PCDHA4: variants seen among roughly 807,000 people sequenced by gnomAD.
PCDHA4 encodes protocadherin alpha-4.
Under a neutral mutation model 61.4 loss-of-function variants are expected in PCDHA4, and 49 were observed. The ratio of observed to expected loss-of-function variants is 0.80; its 90% CI spans 0.63 to 1.01. The LOEUF is 1.01. PCDHA4 is among the 50% of genes least tolerant of loss of function. The pLI, the probability that PCDHA4 is intolerant of heterozygous loss-of-function variation, is 0.00. For missense variants in PCDHA4, 1,254 were observed against 1,235.8 expected, an observed-to-expected ratio of 1.01 and a Z score of -0.22; for synonymous variants, 590 against 550.3, an observed-to-expected ratio of 1.07 and a Z score of -1.01.
rs781789539 is a variant in PCDHA4 at position 140,856,760 on chromosome 5, G to C, written c.2385+47188G>C. 3.8e-6 allele frequency: 6 copies of C among 1,596,522 alleles called. 2 individuals are homozygous for C. Among genetic ancestry groups the C allele is most frequent in the Non-Finnish European group, 5.1e-6 (6 of 1,166,548 alleles). On this transcript the variant is annotated intron_variant, in intron 1 of 3. Transcript: ENST00000530339. ...CCTGGTGTTAGATGCCAATGATAAC[G>C]CCCCTATCTTTGACAGACCGGTTTA...
At chr5:140,824,411 A>C (rs1768110610) in intron 1 of PCDHA4, 1 of 522,138 alleles carries the variant, frequency 1.9e-6, no homozygotes, top group East Asian at 3.2e-5. Context: ...TGTAAGACAT[A>C]GTTTGGAGTC....
intron 1 of PCDHA4, among the ~76,000 whole-genome samples, chr5:140,921,323 G>C (rs192159885): frequency 7.2e-4 from 109 of 151,970 alleles, no homozygotes; most frequent in African/African-American, 2.6e-3. Context: ...GAGCTAATCT[G>C]TCTGGTCCAA....
intron 1 of PCDHA4, among the ~76,000 whole-genome samples, chr5:140,963,510 G>A (rs536524403): frequency 1.8e-4 from 28 of 152,328 alleles, no homozygotes; most frequent in Non-Finnish European, 2.8e-4. Flanking sequence ...TCTTGAAGGG[G>A]TTCTCATAAC....
At chr5:140,999,280 T>C (rs782502393) in intron 3 of PCDHA4, among the ~76,000 whole-genome samples, 2 of 152,228 alleles carry the variant, frequency 1.3e-5, no homozygotes, top group Non-Finnish European at 2.9e-5. Context: ...ATAGTAGTAA[T>C]ACCCATTCTT....
At position 140,870,595 on chromosome 5, in the gene PCDHA4, T is replaced by G. The variant is rs573002634; in HGVS notation, c.2385+61023T>G. ...GTCCTACTCGCTGGTGGAGCGGCGG[T>G]TGGGCGACCGCGCGCTGTCGAGCTA... On this transcript the variant is annotated intron_variant, in intron 1 of 3. Transcript: ENST00000530339. The G allele has an allele frequency of 8.9e-5, 144 of 1,613,242 alleles. No homozygotes were observed. The South Asian group carries it at 9.4e-4, about 11-fold the overall frequency.
intron 1 of PCDHA4, 160 bp downstream of exon 1, chr5:140,809,732 G>A (rs1434113979): frequency 1.3e-6 from 1 of 752,210 alleles, no homozygotes; most frequent in Non-Finnish European, 2.1e-6. Flanking sequence ...GGACATCAGA[G>A]CAATATATAT....
chr5:140,843,027 G>A (rs2150350429), intron 1 of PCDHA4: 1 of 1,595,166 alleles, frequency 6.3e-7, no homozygotes, highest in South Asian at 1.1e-5. Flanking sequence ...CTGGAGCCTC[G>A]GGTGGGTGGC....
chr5:140,842,413 A>G (rs1206715629), intron 1 of PCDHA4: 5 of 1,613,082 alleles, frequency 3.1e-6, no homozygotes, highest in East Asian at 2.2e-5. Flanking sequence ...AAGACGCTCA[A>G]TTTGGTACTG....
chr5:140,886,043 T>C (rs977275136), intron 1 of PCDHA4, among the ~76,000 whole-genome samples: 3 of 152,168 alleles, frequency 2.0e-5, no homozygotes, highest in Admixed American at 6.5e-5. Context: ...TTTTCCCCAA[T>C]AGTAACATCT....
At chr5:140,948,106 T>A (rs1383733772) in intron 1 of PCDHA4, among the ~76,000 whole-genome samples, 1 of 151,652 alleles carries the variant, frequency 6.6e-6, no homozygotes, top group Non-Finnish European at 1.5e-5. Context: ...TGATTTTTCT[T>A]CGTTTTACTA....
rs2098331172 is a variant in PCDHA4, at chr5:141,007,465, G to A, written c.2534-2162G>A. Among the ~76,000 whole-genome samples, 5 of 151,906 alleles carry A rather than the reference G, an allele frequency of 3.3e-5. No individual in the cohort carries two copies. The South Asian group carries it at 1.0e-3, about 32-fold the overall frequency. ...TGCCTGTAGTCCCAGCTACTCAGGA[G>A]GCTGAGGCACGAGAATTACTTGGAC... On this transcript the variant is annotated intron_variant, in intron 3 of 3. Transcript: ENST00000530339.
chr5:140,967,566 G>A, intron 1 of PCDHA4: 2 of 1,614,060 alleles, frequency 1.2e-6, no homozygotes, highest in South Asian at 2.2e-5. Context: ...GTCCAGCTAC[G>A]GGAGGACTCA....
chr5:140,927,601 G>C lies in PCDHA4; in HGVS notation c.2386-51348G>C, dbSNP rs1490799029. 27 of 1,614,082 alleles carry C rather than the reference G, an allele frequency of 1.7e-5. No individual in the cohort carries two copies. Among genetic ancestry groups the C allele is most frequent in the Non-Finnish European group, 2.3e-5 (27 of 1,180,040 alleles). Reference sequence around the variant, plus strand: ...CAACGCGCCTGTATTTGAGCGCTCCGTATACCGCACCAAGGTTCCAGAGAC... The same window carrying C: ...CAACGCGCCTGTATTTGAGCGCTCCCTATACCGCACCAAGGTTCCAGAGAC... On this transcript the variant is annotated intron_variant, in intron 1 of 3. Transcript: ENST00000530339.
chr5:140,851,003 GA>G (rs2041919886), intron 1 of PCDHA4: 1 of 1,437,650 alleles, frequency 7.0e-7, no homozygotes. Flanking sequence ...AAATCCAGCA[GA>G]TTTTTTTTCT....
chr5:140,889,388 A>C (rs1554183883), intron 1 of PCDHA4, among the ~76,000 whole-genome samples: 1 of 152,070 alleles, frequency 6.6e-6, no homozygotes, highest in African/African-American at 2.4e-5. Context: ...AGGACCATTC[A>C]GAGTTTAATT....
At chr5:140,841,405 C>A (rs2150314710) in intron 1 of PCDHA4, 18 of 1,613,112 alleles carry the variant, frequency 1.1e-5, no homozygotes, top group South Asian at 4.4e-5. Flanking sequence ...AGGTGGGGAG[C>A]GGCCAGCTCC....
At chr5:140,835,564 C>T (rs2150238347) in intron 1 of PCDHA4, 1 of 1,613,820 alleles carries the variant, frequency 6.2e-7, no homozygotes, top group African/African-American at 1.3e-5. Context: ...CCCCGCGTTC[C>T]CTTCAAGTTG....
At chr5:140,836,666 G>T (rs1774663791) in intron 1 of PCDHA4, 1 of 1,613,284 alleles carries the variant, frequency 6.2e-7, no homozygotes, top group African/African-American at 1.3e-5. Context: ...TGTGCTCTGG[G>T]GAGGGCCCAC....
rs576802253 is a variant in PCDHA4 at position 140,888,837 on chromosome 5, C to T, written c.2385+79265C>T. ...GATCTGTGATCACATCACTCCACTG[C>T]AGCCTGGTGACAGAGTGAGACCATG... is the stretch of plus-strand genomic sequence containing the variant. On this transcript the variant is annotated intron_variant, in intron 1 of 3. Coordinates refer to ENST00000530339, the MANE Select transcript of PCDHA4 (RefSeq NM_018907.4). Among the ~76,000 whole-genome samples, 5 of 152,130 alleles carry T rather than the reference C, an allele frequency of 3.3e-5. No individual in the cohort carries two copies. In the South Asian group the frequency reaches 1.0e-3, roughly 32 times the overall value.
Sources: allele counts gnomAD v4.1 joint callset (sites outside exome capture counted in the v4.1 genomes callset), GRCh38; gene constraint gnomAD v4.1.1; transcripts MANE v1.5; gene names NCBI Gene and HGNC (gene_info 2026-07-23, HGNC 2026-07-21).